The following GABBR1 variants were observed in gnomAD, a reference collection of about 807,000 sequenced individuals.
GABBR1 encodes GABA-B receptor, R1 subunit.
A neutral mutation model predicts 117.7 loss-of-function variants in GABBR1; 35 were observed. The observed-to-expected ratio is 0.30, with a 90% confidence interval of 0.23 to 0.39. The LOEUF (loss-of-function observed/expected upper bound fraction) is 0.39, where lower values mean the gene tolerates loss of function less well. GABBR1 is among the 10% of genes least tolerant of loss of function. The pLI, the probability that GABBR1 is intolerant of heterozygous loss-of-function variation, is 1.00. For synonymous variants in GABBR1, 442 were observed against 486.6 expected, an observed-to-expected ratio of 0.91 and a Z score of 1.21; for missense variants, 709 against 1,241.8, an observed-to-expected ratio of 0.57 and a Z score of 6.45.
intron 4 of GABBR1, 174 bp from the exon 5 acceptor site, chr6:29,629,281 G>A (rs764666155): frequency 1.4e-6 from 1 of 733,626 alleles, no homozygotes; most frequent in Admixed American, 2.0e-5. Context: ...CTGGGGGTAA[G>A]GGGGTCAGGA....
intron 11 of GABBR1, among the ~76,000 whole-genome samples, chr6:29,617,763 A>T (rs28359973): frequency 0.098 from 14,893 of 152,224 alleles, 853 homozygotes; most frequent in Middle Eastern, 0.21. Context: ...CAAATCACTG[A>T]GTCCTCTTAA....
chr6:29,631,168 T>TGATC lies in GABBR1; in HGVS notation c.289+224_289+227dup, dbSNP rs1743478127. On this transcript the variant is annotated intron_variant, in intron 3 of 22. Transcript: ENST00000377034. This position sits in a 1 kb window ranked among gnomAD's most constrained non-coding sequence, Gnocchi z 5.9. ...ATGAATTATCAATGTTATAGGCCAA[T>TGATC]GATCAGTGGCCTAATGAAGGGAGGA... Among the ~76,000 whole-genome samples the TGATC allele has an allele frequency of 6.6e-6, 1 of 152,340 alleles. No homozygotes were observed. The highest frequency in any genetic ancestry group is 2.4e-5 in the African/African-American group (1 of 41,588).
intron 4 of GABBR1, among the ~76,000 whole-genome samples, chr6:29,629,435 T>C (rs763359786): frequency 2.0e-5 from 3 of 152,180 alleles, no homozygotes; most frequent in Admixed American, 6.5e-5. Flanking sequence ...CACATACAAT[T>C]GGCTTTAAGC....
rs752104535 is a variant in GABBR1 at position 29,629,144 on chromosome 6, C to T, written c.476-37G>A. Reference sequence around the variant, plus strand: ...AAAGACGGGGATCAGAGAAGAGTTACCACTGGCGCCCAGCTTCCCTGGCCT... The same window carrying T: ...AAAGACGGGGATCAGAGAAGAGTTATCACTGGCGCCCAGCTTCCCTGGCCT... On this transcript the variant is annotated intron_variant, in intron 4 of 22. Transcript: ENST00000377034. 2.5e-6 allele frequency: 4 copies of T among 1,612,210 alleles called. No individual in the cohort carries two copies. In the East Asian group the frequency reaches 6.7e-5, roughly 27 times the overall value.
rs1402472800 is a variant in GABBR1, at chr6:29,630,299, G to A, written c.475+159C>T. ...CCGGGGACTGCAAGAGGAAGTTTGA[G>A]GCAGGTGATGGAGGAAAAAGGGACT... On this transcript the variant is annotated intron_variant, in intron 4 of 22. Transcript: ENST00000377034. The surrounding 1 kb of genome is among the most constrained non-coding windows in gnomAD (Gnocchi z 4.9). 1 of 617,376 alleles carries A rather than the reference G, an allele frequency of 1.6e-6. No individual in the cohort carries two copies. The highest frequency in any genetic ancestry group is 2.9e-5 in the Admixed American group (1 of 34,398). 38.2% of individuals were successfully genotyped at this position (617,376 alleles called of 1,614,324 possible).
Position 29,630,580 on chromosome 6 carries a change from T to G in GABBR1, c.353A>C (p.Asp118Ala), listed in dbSNP as rs377557147. Residue 118 changes from aspartate (D) to alanine (A), a missense_variant, in exon 4 of 23, where the codon GAC (aspartate) becomes GCC (alanine). Around this residue, in one of 9 missense-constraint regions of GABBR1, gnomAD observed 101 missense variants for 132.3 expected, o/e 0.76. Coordinates refer to ENST00000377034, the MANE Select transcript of GABBR1 (RefSeq NM_001470.4). The surrounding 1 kb of genome is among the most constrained non-coding windows in gnomAD (Gnocchi z 4.9). ...CCGGGCTCCGTCCAGAGCTGGGAGG[T>G]CCCCACCCGTCAGGAAAACCTTCCC... ...ENGKVFLTGGDLPALDGARVD... is the reference protein window; with the variant it reads ...ENGKVFLTGGALPALDGARVD... The G allele has an allele frequency of 3.7e-6, 6 of 1,612,444 alleles. No individual in the cohort carries two copies. The highest frequency in any genetic ancestry group is 4.2e-6 in the Non-Finnish European group (5 of 1,179,922).
chr6:29,613,115 T>A lies in GABBR1; in HGVS notation c.1566+128A>T, dbSNP rs1762724087. ...TCTAATTTGAAGGTCCCTACTTCTC[T>A]GGTCGGAGACTGATTCTGCAAAGAA... On this transcript the variant is annotated intron_variant, in intron 12 of 22. Coordinates refer to ENST00000377034, the MANE Select transcript of GABBR1 (RefSeq NM_001470.4). This position sits in a 1 kb window ranked among gnomAD's most constrained non-coding sequence, Gnocchi z 4.1. 10 of 1,026,774 alleles carry A rather than the reference T, an allele frequency of 9.7e-6. No homozygotes were observed. The highest frequency in any genetic ancestry group is 1.5e-5 in the Non-Finnish European group (10 of 688,852). 63.6% of individuals were successfully genotyped at this position (1,026,774 alleles called of 1,614,324 possible). A position where few individuals can be genotyped will look rare whatever the true frequency, so the allele number is the denominator to read the frequency against.
Position 29,627,471 on chromosome 6 carries a change from C to CCA in GABBR1, c.657+14_657+15insTG. The CCA allele has an allele frequency of 1.5e-5, 23 of 1,569,628 alleles. No individual in the cohort carries two copies. Among genetic ancestry groups the CCA allele is most frequent in the Non-Finnish European group, 1.7e-5 (20 of 1,153,096 alleles). On this transcript the variant is annotated intron_variant, in intron 6 of 22. Coordinates refer to ENST00000377034, the MANE Select transcript of GABBR1 (RefSeq NM_001470.4). The surrounding 1 kb of genome is among the most constrained non-coding windows in gnomAD (Gnocchi z 4.4). ...CAAGCCCCCACCTCCCACCCACCCC[C>CCA]ATGTCCAGGGCTACCTTGCTGTCGT...
At position 29,632,457 on chromosome 6, in the gene GABBR1, C is replaced by T; in HGVS notation, c.1-72G>A. On this transcript the variant is annotated intron_variant, in intron 1 of 22. Transcript: ENST00000377034. The surrounding 1 kb of genome is among the most constrained non-coding windows in gnomAD (Gnocchi z 5.8). ...GGCCCGCACCCGGAGACTACTCGAC[C>T]TCTTGCCGGTTGCCTCGCAGGCTCC... The T allele has an allele frequency of 8.2e-7, 1 of 1,221,518 alleles. No individual in the cohort carries two copies. Among genetic ancestry groups the T allele is most frequent in the Non-Finnish European group, 1.1e-6 (1 of 932,270 alleles). The allele number at this position is 1,221,518 out of a possible 1,614,324, so 75.7% of individuals were successfully genotyped here.
In GABBR1 at chr6:29,622,243, G is replaced by T; in HGVS notation, c.964-38C>A. 7.4e-7 allele frequency: 1 copy of T among 1,347,612 alleles called. No individual in the cohort carries two copies. Among genetic ancestry groups the T allele is most frequent in the Non-Finnish European group, 1.1e-6 (1 of 939,006 alleles). 83.5% of individuals were successfully genotyped at this position (1,347,612 alleles called of 1,614,324 possible). On this transcript the variant is annotated intron_variant, in intron 8 of 22. Coordinates refer to ENST00000377034, the MANE Select transcript of GABBR1 (RefSeq NM_001470.4). The surrounding 1 kb of genome is among the most constrained non-coding windows in gnomAD (Gnocchi z 4.6). ...TAAAAAACAAGTTGGAAAAACACGG[G>T]GTGCATGAGGGAATAAAGACCAGAG...
Position 29,631,310 on chromosome 6 carries a change from A to T in GABBR1, c.289+86T>A. 1 of 1,315,764 alleles carries T rather than the reference A, an allele frequency of 7.6e-7. No homozygotes were observed. The allele number at this position is 1,315,764 out of a possible 1,614,324, so 81.5% of individuals were successfully genotyped here. A position where few individuals can be genotyped will look rare whatever the true frequency, so the allele number is the denominator to read the frequency against. On this transcript the variant is annotated intron_variant, in intron 3 of 22. Transcript: ENST00000377034. This position sits in a 1 kb window ranked among gnomAD's most constrained non-coding sequence, Gnocchi z 5.9. The stretch of plus-strand genomic sequence containing the variant: ...GTGAATTTTGGTATACTGGATTTAA[A>T]GTGCTGACTTGCAAGCAGTAATGCT...
rs143229677 is a variant in GABBR1, at chr6:29,628,465, G to A, written c.496+622C>T. ...ACTGAGGATGTGGGGGAGAGGAAAC[G>A]GTTTTGGAGGGAACGAGTTGGGTAC... On this transcript the variant is annotated intron_variant, in intron 5 of 22. Coordinates refer to ENST00000377034, the MANE Select transcript of GABBR1 (RefSeq NM_001470.4). 2.4e-3 allele frequency among the ~76,000 whole-genome samples: 365 copies of A among 152,190 alleles called. 1 individual carries two copies. The highest frequency in any genetic ancestry group is 9.3e-3 in the South Asian group (45 of 4,816).
At chr6:29,619,416 G>A (rs974497208) in intron 11 of GABBR1, among the ~76,000 whole-genome samples, 1 of 152,202 alleles carries the variant, frequency 6.6e-6, no homozygotes, top group Non-Finnish European at 1.5e-5. Flanking sequence ...CTCAAAAGCA[G>A]GAACCATCTT....
chr6:29,610,765 A>G (rs1258876183), intron 14 of GABBR1, among the ~76,000 whole-genome samples, 159 bp downstream of exon 14: 1 of 152,036 alleles, frequency 6.6e-6, no homozygotes. Context: ...CCCACGCCTT[A>G]GGGGTTGTAT....
rs1425706258 is a variant in GABBR1 at position 29,609,123 on chromosome 6, T to C, written c.1859+106A>G. 3 of 1,102,604 alleles carry C rather than the reference T, an allele frequency of 2.7e-6. No homozygotes were observed. The highest frequency in any genetic ancestry group is 1.3e-6 in the Non-Finnish European group (1 of 763,398). 68.3% of individuals were successfully genotyped at this position (1,102,604 alleles called of 1,614,324 possible). A position where few individuals can be genotyped will look rare whatever the true frequency, so the allele number is the denominator to read the frequency against. ...CAACAAGTCAGAATGAAAAACTCCA[T>C]GATACATGGCCATGGGAGTTACACA... On this transcript the variant is annotated intron_variant, in intron 15 of 22. Coordinates refer to ENST00000377034, the MANE Select transcript of GABBR1 (RefSeq NM_001470.4). The surrounding 1 kb of genome is among the most constrained non-coding windows in gnomAD (Gnocchi z 4.3).
intron 11 of GABBR1, among the ~76,000 whole-genome samples, chr6:29,616,178 G>A (rs920193301): frequency 6.6e-6 from 1 of 151,644 alleles, no homozygotes; most frequent in Non-Finnish European, 1.5e-5. Flanking sequence ...TCAAGCCTGG[G>A]CAATAAGAAT....
At position 29,606,137 on chromosome 6, in the gene GABBR1, C is replaced by T. The variant is rs1226221698; in HGVS notation, c.2311+254G>A. ...AAGTCTGGAGGTGGGGTTACCCCCACTTGTTCCTCTGCTGAACACAAGTTC... is the reference window on the plus strand; with the variant it reads ...AAGTCTGGAGGTGGGGTTACCCCCATTTGTTCCTCTGCTGAACACAAGTTC... On this transcript the variant is annotated intron_variant, in intron 19 of 22. Transcript: ENST00000377034. This position sits in a 1 kb window ranked among gnomAD's most constrained non-coding sequence, Gnocchi z 4.5. The T allele has an allele frequency of 1.4e-5, 8 of 561,996 alleles. No homozygotes were observed. The highest frequency in any genetic ancestry group is 5.1e-5 in the South Asian group (2 of 39,220). 34.8% of individuals were successfully genotyped at this position (561,996 alleles called of 1,614,324 possible). A position where few individuals can be genotyped will look rare whatever the true frequency, so the allele number is the denominator to read the frequency against.
Position 29,632,029 on chromosome 6 carries a change from G to A in GABBR1, c.85+272C>T, listed in dbSNP as rs944559963. 2.0e-5 allele frequency among the ~76,000 whole-genome samples: 3 copies of A among 152,038 alleles called. No homozygotes were observed. Among genetic ancestry groups the A allele is most frequent in the Non-Finnish European group, 4.4e-5 (3 of 68,012 alleles). ...CCAAGAAAAGGGAGTAATTGAGGTAGTAATGTGGGGCTGGGAAAGGGGATT... is the reference window on the plus strand; with the variant it reads ...CCAAGAAAAGGGAGTAATTGAGGTAATAATGTGGGGCTGGGAAAGGGGATT... On this transcript the variant is annotated intron_variant, in intron 2 of 22. Transcript: ENST00000377034. The surrounding 1 kb of genome is among the most constrained non-coding windows in gnomAD (Gnocchi z 5.8).
At chr6:29,629,161 C>T in intron 4 of GABBR1, 54 bp from the exon 5 acceptor site, 1 of 1,605,678 alleles carries the variant, frequency 6.2e-7, no homozygotes, top group Non-Finnish European at 8.5e-7. Flanking sequence ...CGCCCAGCTT[C>T]CCTGGCCTGA....
Sources: gnomAD v4.1 joint callset for allele counts (sites outside exome capture counted in the v4.1 genomes callset) on GRCh38, gnomAD v4.1.1 for gene constraint, gnomAD v4.1.1 regional missense constraint, Gnocchi (gnomAD v3.1) non-coding constraint, MANE v1.5 for transcripts, NCBI Gene and HGNC (gene_info 2026-07-23, HGNC 2026-07-21) for gene names.